The following PTPRD variants were observed in gnomAD, a reference collection of about 807,000 sequenced individuals.
PTPRD encodes protein tyrosine phosphatase receptor type D, also known as receptor-type tyrosine-protein phosphatase delta.
A neutral mutation model predicts 214.5 loss-of-function variants in PTPRD; 34 were observed. The ratio of observed to expected loss-of-function variants is 0.16; its 90% confidence interval spans 0.12 to 0.21. The LOEUF (loss-of-function observed/expected upper bound fraction) is 0.21, where lower values mean the gene tolerates loss of function less well. Among genes scored for constraint, PTPRD ranks in the 10% least tolerant of loss-of-function variants. The pLI, the probability that PTPRD is intolerant of heterozygous loss-of-function variation, is 1.00. For missense variants in PTPRD, 2,545 were observed against 2,398.7 expected (o/e 1.06, Z -1.27); for synonymous variants, 1,128 against 845.7 (o/e 1.33, Z -5.79).
chr9:8,590,272 G>C (rs911210007), intron 14 of PTPRD, among the ~76,000 whole-genome samples: 1 of 152,112 alleles, frequency 6.6e-6, no homozygotes, highest in Admixed American at 6.6e-5. Flanking sequence ...TGACATAAGA[G>C]CTCTGCGGAG....
intron 12 of PTPRD, among the ~76,000 whole-genome samples, chr9:8,726,587 AAATATATATATATATATATAT>A (rs2098565653): frequency 3.8e-4 from 5 of 13,216 alleles, no homozygotes; most frequent in African/African-American, 1.3e-3. Context: ...AAAAAAAAAA[AAATATATATATATATATATAT>A]ATATATATAT....
At chr9:9,560,415 C>T (rs940644142) in intron 8 of PTPRD, among the ~76,000 whole-genome samples, 3 of 152,212 alleles carry the variant, frequency 2.0e-5, no homozygotes, top group East Asian at 1.9e-4. Flanking sequence ...AATGCCTATC[C>T]GACTTTGCTG....
chr9:9,571,297 T>C (rs1469822910), intron 8 of PTPRD, among the ~76,000 whole-genome samples: 1 of 151,326 alleles, frequency 6.6e-6, no homozygotes, highest in African/African-American at 2.4e-5. Context: ...CAAAAAAAGA[T>C]ATGTATGTCT....
At chr9:8,759,507 A>C (rs1199581389) in intron 11 of PTPRD, among the ~76,000 whole-genome samples, 1 of 152,176 alleles carries the variant, frequency 6.6e-6, no homozygotes, top group Non-Finnish European at 1.5e-5. Context: ...CTGACAATAC[A>C]CTGACTTTAC....
rs762147577 is a variant in PTPRD, at chr9:8,486,138, G to A, written c.2679C>T (p.Phe893=). The change falls in exon 28 of 46, where the codon TTC becomes TTT. Residue 893 remains phenylalanine (F), a synonymous_variant. Transcript: ENST00000381196. ...CCACTTTGTTTCTGGCTGAGAGCCT[G>A]AAGACGTATGATGCTCCCTTGTGGA... The part of the protein sequence containing the change: ...TDIHKGASYV[F]RLSARNKVGF... 9.3e-6 allele frequency: 15 copies of A among 1,614,082 alleles called. No individual in the cohort carries two copies. The South Asian group carries it at 1.3e-4, about 14-fold the overall frequency.
intron 7 of PTPRD, among the ~76,000 whole-genome samples, chr9:9,656,886 C>T (rs1564360722): frequency 6.6e-6 from 1 of 151,368 alleles, no homozygotes; most frequent in African/African-American, 2.4e-5. Context: ...TATATATATA[C>T]ATAGGAACAC....
intron 11 of PTPRD, among the ~76,000 whole-genome samples, chr9:8,741,329 C>T (rs1023306065): frequency 6.6e-6 from 1 of 152,108 alleles, no homozygotes. Flanking sequence ...TCAGTTATTA[C>T]TGCATGTCAT....
chr9:10,286,087 T>C (rs975040195), intron 3 of PTPRD, among the ~76,000 whole-genome samples: 23 of 152,316 alleles, frequency 1.5e-4, no homozygotes, highest in African/African-American at 2.4e-4. Context: ...GTTAAATATA[T>C]ATTTATGTAT....
intron 10 of PTPRD, among the ~76,000 whole-genome samples, chr9:9,056,592 A>C (rs1033420188): frequency 3.9e-5 from 6 of 152,226 alleles, no homozygotes; most frequent in Non-Finnish European, 5.9e-5. Context: ...TTTTAATCTC[A>C]TAAGAAAAGA....
intron 5 of PTPRD, among the ~76,000 whole-genome samples, chr9:9,935,397 T>G (rs1300060939): frequency 6.6e-6 from 1 of 152,100 alleles, no homozygotes; most frequent in Non-Finnish European, 1.5e-5. Context: ...ACAAAATCAA[T>G]GTACAAAAAT....
At chr9:10,270,212 A>G (rs567424685) in intron 3 of PTPRD, among the ~76,000 whole-genome samples, 8 of 151,050 alleles carry the variant, frequency 5.3e-5, no homozygotes, top group Admixed American at 3.3e-4. Flanking sequence ...TTCCTTAATC[A>G]AATTATTAAA....
chr9:9,362,345 G>C lies in PTPRD; in HGVS notation c.-203+35104C>G, dbSNP rs536752569. 2.0e-5 allele frequency among the ~76,000 whole-genome samples: 3 copies of C among 151,064 alleles called. No individual in the cohort carries two copies. The South Asian group carries it at 6.2e-4, about 31-fold the overall frequency. ...ACACAAATAAGTATTGGGATCCTAGGAAACATACGTAAGGTTTTGCCTCAT... is the reference window on the plus strand; with the variant it reads ...ACACAAATAAGTATTGGGATCCTAGCAAACATACGTAAGGTTTTGCCTCAT... On this transcript the variant is annotated intron_variant, in intron 9 of 45. Coordinates refer to ENST00000381196, the MANE Select transcript of PTPRD (RefSeq NM_002839.4).
chr9:8,521,638 A>T (rs1564036455), intron 19 of PTPRD, 92 bp from the exon 20 acceptor site: 2 of 1,374,290 alleles, frequency 1.5e-6, no homozygotes, highest in East Asian at 4.7e-5. Context: ...GACACGATTC[A>T]ACAATTGAAA....
At chr9:10,002,497 A>G (rs969578064) in intron 4 of PTPRD, among the ~76,000 whole-genome samples, 10 of 151,230 alleles carry the variant, frequency 6.6e-5, no homozygotes, top group Middle Eastern at 7.9e-3. Flanking sequence ...GATAAGATAC[A>G]TGTCATGAAA....
At chr9:9,541,817 A>C (rs987296363) in intron 8 of PTPRD, among the ~76,000 whole-genome samples, 13 of 151,786 alleles carry the variant, frequency 8.6e-5, no homozygotes, top group African/African-American at 2.9e-4. Flanking sequence ...GCAGGGCAGG[A>C]ATGGTGAGGT....
At chr9:8,543,116 CAATTA>C (rs2078919432) in intron 14 of PTPRD, among the ~76,000 whole-genome samples, 1 of 152,020 alleles carries the variant, frequency 6.6e-6, no homozygotes, top group African/African-American at 2.4e-5. Context: ...TACAACATGC[CAATTA>C]AATAGATATA....
At chr9:9,782,720 A>G (rs1411467950) in intron 5 of PTPRD, among the ~76,000 whole-genome samples, 1 of 152,210 alleles carries the variant, frequency 6.6e-6, no homozygotes, top group African/African-American at 2.4e-5. Context: ...CTTCTTAATT[A>G]TAACATTCTC....
At chr9:8,539,865 T>C (rs2077946072) in intron 14 of PTPRD, among the ~76,000 whole-genome samples, 1 of 152,088 alleles carries the variant, frequency 6.6e-6, no homozygotes, top group South Asian at 2.1e-4. Context: ...TTATAAAAAC[T>C]TGAATGGCGA....
At chr9:9,771,113 T>C (rs1255258879) in intron 5 of PTPRD, among the ~76,000 whole-genome samples, 2 of 152,172 alleles carry the variant, frequency 1.3e-5, no homozygotes, top group Admixed American at 6.5e-5. Flanking sequence ...TTATGCACCT[T>C]ATGCCCAATC....
Sources: gnomAD v4.1 joint callset for allele counts (sites outside exome capture counted in the v4.1 genomes callset) on GRCh38, gnomAD v4.1.1 for gene constraint, MANE v1.5 for transcripts, NCBI Gene and HGNC (gene_info 2026-07-23, HGNC 2026-07-21) for gene names.